The following IL1RL2 variants were observed in gnomAD, a reference collection of about 807,000 sequenced individuals.
IL1RL2 encodes interleukin-1 receptor-like 2.
A neutral mutation model predicts 66.8 loss-of-function variants in IL1RL2; 68 were observed. That is an observed-to-expected ratio of 1.02 (90% confidence interval 0.84 to 1.25). The LOEUF (loss-of-function observed/expected upper bound fraction) is 1.25, where lower values mean the gene tolerates loss of function less well. IL1RL2 is among the 50% of genes most tolerant of loss of function. The probability of loss-of-function intolerance (pLI) is 0.00; values close to 1 mark genes in which losing one functional copy is unlikely to be tolerated. For synonymous variants in IL1RL2, 305 were observed against 264.6 expected, an observed-to-expected ratio of 1.15 and a Z score of -1.48; for missense variants, 729 against 709.3, an observed-to-expected ratio of 1.03 and a Z score of -0.32.
chr2:102,242,280 A>G (rs1675249935), downstream of IL1RL2, among the ~76,000 whole-genome samples: 1 of 152,240 alleles, frequency 6.6e-6, no homozygotes, highest in African/African-American at 2.4e-5. Context: ...ATATATGAAT[A>G]TTCACATAGA....
intron 6 of IL1RL2, among the ~76,000 whole-genome samples, chr2:102,214,747 GA>G (rs1689458234): frequency 6.6e-6 from 1 of 151,706 alleles, no homozygotes; most frequent in Admixed American, 6.6e-5. Flanking sequence ...TTGAATAGAA[GA>G]AAAAAGAGCC....
chr2:102,201,012 G>A (rs1688208027), intron 4 of IL1RL2, among the ~76,000 whole-genome samples: 1 of 152,188 alleles, frequency 6.6e-6, no homozygotes, highest in African/African-American at 2.4e-5. Context: ...AGTGCAGAAA[G>A]TGTAATTGGG....
intron 3 of IL1RL2, among the ~76,000 whole-genome samples, chr2:102,190,082 A>T (rs959069379): frequency 6.6e-6 from 1 of 152,194 alleles, no homozygotes; most frequent in Non-Finnish European, 1.5e-5. Context: ...TATGTTCCAG[A>T]CCTCACTGGA....
Position 102,225,887 on chromosome 2 carries a change from G to T in IL1RL2, c.992-11G>T, listed in dbSNP as rs1376190075. 1 of 1,535,314 alleles carries T rather than the reference G, an allele frequency of 6.5e-7. No individual in the cohort carries two copies. The highest frequency in any genetic ancestry group is 8.7e-7 in the Non-Finnish European group (1 of 1,143,292). ...TTATAATTATTATTATTTTTTTGCT[G>T]TCATTTGTAGCTCCGGATTTTCGAG... is the stretch of plus-strand genomic sequence containing the variant. On this transcript the variant is annotated splice_polypyrimidine_tract_variant and intron_variant, in intron 8 of 11. Transcript: ENST00000264257.
chr2:102,216,179 A>G (rs1158766540), intron 6 of IL1RL2, among the ~76,000 whole-genome samples: 1 of 152,238 alleles, frequency 6.6e-6, no homozygotes, highest in Non-Finnish European at 1.5e-5. Flanking sequence ...TAAGAAATTC[A>G]ACAGATAGAT....
chr2:102,235,885 C>T lies in IL1RL2; in HGVS notation c.1678+608C>T, dbSNP rs918759054. 5 of 985,422 alleles carry T rather than the reference C, an allele frequency of 5.1e-6. No homozygotes were observed. The African/African-American group carries it at 8.7e-5, about 17-fold the overall frequency. 61.0% of individuals were successfully genotyped at this position (985,422 alleles called of 1,614,324 possible). ...AAAGTCACCTAGACCAGTGGGGACC[C>T]ACGGGAGTGGCCATGACTGCCTCTT... On this transcript the variant is annotated intron_variant, in intron 11 of 11. Transcript: ENST00000264257.
At chr2:102,214,197 C>T (rs540230992) in intron 6 of IL1RL2, among the ~76,000 whole-genome samples, 2 of 151,954 alleles carry the variant, frequency 1.3e-5, no homozygotes, top group African/African-American at 4.8e-5. Context: ...TGTATTTAGA[C>T]AATTAAAAGG....
At chr2:102,196,874 C>T (rs1397188975) in intron 4 of IL1RL2, among the ~76,000 whole-genome samples, 2 of 152,164 alleles carry the variant, frequency 1.3e-5, no homozygotes, top group Non-Finnish European at 2.9e-5. Context: ...AGCATTTCAA[C>T]AGTGAATCCT....
At chr2:102,227,265 G>A (rs945170929) in intron 9 of IL1RL2, among the ~76,000 whole-genome samples, 1 of 151,904 alleles carries the variant, frequency 6.6e-6, no homozygotes, top group African/African-American at 2.4e-5. Flanking sequence ...GAGCAGGAAA[G>A]GGAGGGAAAC....
intron 9 of IL1RL2, among the ~76,000 whole-genome samples, chr2:102,227,472 G>A (rs1690723387): frequency 6.6e-6 from 1 of 152,160 alleles, no homozygotes; most frequent in Admixed American, 6.5e-5. Flanking sequence ...TGTAGAAAGC[G>A]ATAAACTCCT....
At chr2:102,226,092 A>G (rs774812901) in intron 9 of IL1RL2, 51 bp downstream of exon 9, 12 of 1,394,776 alleles carry the variant, frequency 8.6e-6, no homozygotes, top group Non-Finnish European at 1.2e-5. Context: ...ATCCTCTTAT[A>G]CATATACAAC....
chr2:102,200,118 A>G (rs1402187991), intron 4 of IL1RL2, among the ~76,000 whole-genome samples: 1 of 4,326 alleles, frequency 2.3e-4, no homozygotes, highest in South Asian at 6.8e-3. Flanking sequence ...CTGTTCCAGC[A>G]AAAAAAAAAA....
intron 5 of IL1RL2, among the ~76,000 whole-genome samples, chr2:102,211,180 AGAT>A (rs978704764): frequency 2.9e-4 from 44 of 152,334 alleles, no homozygotes; most frequent in Admixed American, 1.8e-3. Flanking sequence ...CCATCATAAA[AGAT>A]ATGTATTTTT....
At chr2:102,219,830 T>C (rs375411045) in intron 7 of IL1RL2, 51 bp from the exon 8 acceptor site, 1 of 1,497,604 alleles carries the variant, frequency 6.7e-7, no homozygotes, top group African/African-American at 1.4e-5. Context: ...TTATAAAATA[T>C]GTTGGGTAAA....
intron 10 of IL1RL2, among the ~76,000 whole-genome samples, chr2:102,234,209 A>G (rs1476519669): frequency 6.6e-6 from 1 of 152,262 alleles, no homozygotes; most frequent in Non-Finnish European, 1.5e-5. Flanking sequence ...CATTTCAGCT[A>G]ACTACATTTT....
At position 102,234,976 on chromosome 2, in the gene IL1RL2, T is replaced by C. The variant is rs1438015807; in HGVS notation, c.1377T>C (p.Phe459=). Reference sequence around the variant, plus strand: ...TTGTGGTCCCCGAATCGCTGGGCTTTGGCCTGTTGAAGAACCTGTCAGAAG... The same window carrying C: ...TTGTGGTCCCCGAATCGCTGGGCTTCGGCCTGTTGAAGAACCTGTCAGAAG... ...IVIVVPESLG[F]GLLKNLSEEQ... is the part of the protein sequence containing the mutation. The change falls in exon 11 of 12, where the codon TTT becomes TTC. Residue 459 remains phenylalanine, a synonymous_variant. Coordinates refer to ENST00000264257, the MANE Select transcript of IL1RL2 (RefSeq NM_003854.4). The C allele has an allele frequency of 1.2e-6, 2 of 1,614,198 alleles. No individual in the cohort carries two copies. The highest frequency in any genetic ancestry group is 1.1e-5 in the South Asian group (1 of 91,080).
chr2:102,192,236 GA>G, intron 4 of IL1RL2, 116 bp downstream of exon 4: 1 of 636,430 alleles, frequency 1.6e-6, no homozygotes, highest in Non-Finnish European at 2.6e-6. Flanking sequence ...GTGTGCCTAA[GA>G]TAGATTAGTT....
intron 3 of IL1RL2, among the ~76,000 whole-genome samples, chr2:102,189,745 G>A (rs1308344907): frequency 1.3e-5 from 2 of 152,202 alleles, no homozygotes; most frequent in African/African-American, 4.8e-5. Flanking sequence ...AGCTTCCGAA[G>A]TAGCTGGGAT....
chr2:102,227,078 CTTTTGTTTTG>C (rs140698681), intron 9 of IL1RL2, among the ~76,000 whole-genome samples: 6 of 152,074 alleles, frequency 3.9e-5, no homozygotes, highest in East Asian at 1.9e-4. Flanking sequence ...GACTATGCTA[CTTTTGTTTTG>C]TTTTGTTTTG....
Sources: gnomAD v4.1 joint callset for allele counts (sites outside exome capture counted in the v4.1 genomes callset) on GRCh38, gnomAD v4.1.1 for gene constraint, MANE v1.5 for transcripts, NCBI Gene and HGNC (gene_info 2026-07-23, HGNC 2026-07-21) for gene names.